The following MOSPD1 variants were observed in gnomAD, a reference collection of about 807,000 sequenced individuals.
MOSPD1 encodes the protein motile sperm domain-containing protein 1.
Under a neutral mutation model 16.7 loss-of-function variants are expected in MOSPD1, and 5 were observed. The ratio of observed to expected loss-of-function variants is 0.30; its 90% confidence interval spans 0.16 to 0.63. The LOEUF is 0.63. MOSPD1 is among the 30% of genes least tolerant of loss of function. The probability of loss-of-function intolerance (pLI) is 0.82; values close to 1 mark genes in which losing one functional copy is unlikely to be tolerated. For missense variants in MOSPD1, 104 were observed against 153.6 expected, an observed-to-expected ratio of 0.68 and a Z score of 1.71; for synonymous variants, 67 against 59.2, an observed-to-expected ratio of 1.13 and a Z score of -0.61.
intron 4 of MOSPD1, among the ~76,000 whole-genome samples, chrX:134,896,352 AT>A (rs5903886): frequency 0.063 from 6,643 of 104,635 alleles, 414 homozygotes; most frequent in East Asian, 0.46. Context: ...CTTTAATGAG[AT>A]TTTTTTTTTT....
intron 1 of MOSPD1, among the ~76,000 whole-genome samples, chrX:134,907,549 A>ATT (rs773244179): frequency 8.9e-6 from 1 of 111,814 alleles, no homozygotes; most frequent in East Asian, 2.8e-4. Flanking sequence ...AATTTTACTC[A>ATT]TTTTTCAAAA....
chrX:134,893,757 T>C (rs1288377734), intron 4 of MOSPD1, among the ~76,000 whole-genome samples: 1 of 111,841 alleles, frequency 8.9e-6, no homozygotes, highest in African/African-American at 3.2e-5. Flanking sequence ...TGTATAAGCA[T>C]TCATCATTCT....
chrX:134,907,631 G>A (rs1429376106), intron 1 of MOSPD1, among the ~76,000 whole-genome samples: 1 of 112,451 alleles, frequency 8.9e-6, no homozygotes, highest in Non-Finnish European at 1.9e-5. Flanking sequence ...TTGAGAGGCC[G>A]ATGCGGGCGG....
chrX:134,903,139 T>G (rs1304183765), intron 1 of MOSPD1, among the ~76,000 whole-genome samples: 1 of 110,919 alleles, frequency 9.0e-6, no homozygotes, highest in East Asian at 2.8e-4. Flanking sequence ...GAGAATTTAA[T>G]TTAGGATAAA....
intron 1 of MOSPD1, among the ~76,000 whole-genome samples, chrX:134,910,033 C>T (rs781696921): frequency 6.3e-5 from 7 of 111,531 alleles, no homozygotes; most frequent in African/African-American, 9.8e-5. Flanking sequence ...TTTCAAGATG[C>T]GCAATTCTCA....
At chrX:134,912,456 G>T (rs2082976678) in intron 1 of MOSPD1, among the ~76,000 whole-genome samples, 2 of 109,714 alleles carry the variant, frequency 1.8e-5, no homozygotes, top group African/African-American at 6.6e-5. Flanking sequence ...TGAGATTACA[G>T]GTGTGAGCCA....
chrX:134,905,007 T>C (rs12863494), intron 1 of MOSPD1, among the ~76,000 whole-genome samples: 5,957 of 111,074 alleles, frequency 0.054, 173 homozygotes, highest in Non-Finnish European at 0.083. Flanking sequence ...CAAGTGGTAG[T>C]GTTAAGTGAG....
At position 134,888,306 on chromosome X, in the gene MOSPD1, C is replaced by T. The variant is rs1317507362; in HGVS notation, c.*855G>A. 1 of 112,128 alleles carries T rather than the reference C, an allele frequency of 8.9e-6. No individual in the cohort carries two copies. Among genetic ancestry groups the T allele is most frequent in the South Asian group, 3.7e-4 (1 of 2,681 alleles). The allele number at this position is 112,128 out of a possible 1,213,427, so 9.2% of individuals were successfully genotyped here. A position where few individuals can be genotyped will look rare whatever the true frequency, so the allele number is the denominator to read the frequency against. On this transcript the variant is annotated 3_prime_UTR_variant, in exon 6 of 6. Transcript: ENST00000370783. Reference sequence around the variant, plus strand: ...TTAGAGTTTAAAGGTGAAAAATCATCTCCACATAAATCACCTGGTATCTGG... The same window carrying T: ...TTAGAGTTTAAAGGTGAAAAATCATTTCCACATAAATCACCTGGTATCTGG...
intron 4 of MOSPD1, among the ~76,000 whole-genome samples, chrX:134,895,673 T>C (rs1206403776): frequency 8.9e-6 from 1 of 112,042 alleles, no homozygotes; most frequent in Non-Finnish European, 1.9e-5. Flanking sequence ...AAAGTGACAC[T>C]GGACAAAGGT....
chrX:134,904,690 C>T (rs1369537468), intron 1 of MOSPD1, among the ~76,000 whole-genome samples: 1 of 110,130 alleles, frequency 9.1e-6, no homozygotes, highest in African/African-American at 3.3e-5. Flanking sequence ...GGTGAAACCC[C>T]GTCTCTACTA....
intron 1 of MOSPD1, among the ~76,000 whole-genome samples, chrX:134,900,223 A>G (rs1419460199): frequency 8.9e-6 from 1 of 112,224 alleles, no homozygotes; most frequent in Non-Finnish European, 1.9e-5. Flanking sequence ...GTATCGTCAC[A>G]ACTGATTTTG....
intron 1 of MOSPD1, among the ~76,000 whole-genome samples, chrX:134,914,837 C>T (rs2082990062): frequency 8.9e-6 from 1 of 112,673 alleles, no homozygotes; most frequent in African/African-American, 3.2e-5. Flanking sequence ...TCCCGCGAGC[C>T]GCATCCCCGG....
At chrX:134,905,103 T>C (rs1652057929) in intron 1 of MOSPD1, among the ~76,000 whole-genome samples, 1 of 110,297 alleles carries the variant, frequency 9.1e-6, no homozygotes, top group Non-Finnish European at 1.9e-5. Context: ...CTCACGCCTG[T>C]AATCCCAGCA....
chrX:134,911,809 TA>T (rs978133596), intron 1 of MOSPD1, among the ~76,000 whole-genome samples: 1 of 111,776 alleles, frequency 8.9e-6, no homozygotes, highest in Middle Eastern at 4.2e-3. Flanking sequence ...CCTTCCTTCT[TA>T]AAAAAAATTC....
intron 1 of MOSPD1, among the ~76,000 whole-genome samples, chrX:134,903,194 C>CCAGCATTTGTATAATT (rs955731712): frequency 1.8e-5 from 2 of 110,792 alleles, no homozygotes; most frequent in African/African-American, 6.6e-5. Flanking sequence ...TCAATAAATG[C>CCAGCATTTGTATAATT]TGGCTAAATC....
chrX:134,907,680 C>T (rs1251135909), intron 1 of MOSPD1, among the ~76,000 whole-genome samples: 1 of 112,739 alleles, frequency 8.9e-6, no homozygotes, highest in Non-Finnish European at 1.9e-5. Context: ...GCCTGGCCAA[C>T]ATGGCGAAAC....
At chrX:134,903,974 T>G (rs971027580) in intron 1 of MOSPD1, among the ~76,000 whole-genome samples, 1 of 110,947 alleles carries the variant, frequency 9.0e-6, no homozygotes, top group Non-Finnish European at 1.9e-5. Flanking sequence ...GAGGTGGAGG[T>G]TGCAGTGAGC....
chrX:134,910,130 G>C (rs757943949), intron 1 of MOSPD1, among the ~76,000 whole-genome samples: 3 of 111,443 alleles, frequency 2.7e-5, no homozygotes, highest in Non-Finnish European at 5.6e-5. Flanking sequence ...ATGGCCGGGC[G>C]CAGTGACTCA....
intron 4 of MOSPD1, among the ~76,000 whole-genome samples, chrX:134,895,993 G>T (rs773010584): frequency 5.4e-5 from 6 of 111,088 alleles, no homozygotes; most frequent in Non-Finnish European, 9.4e-5. Context: ...ACGACTGAAT[G>T]TAACAGCAAG....
Sources: gnomAD v4.1 joint callset for allele counts (sites outside exome capture counted in the v4.1 genomes callset) on GRCh38, gnomAD v4.1.1 for gene constraint, MANE v1.5 for transcripts, NCBI Gene and HGNC (gene_info 2026-07-23, HGNC 2026-07-21) for gene names.